Variants in MACROD2 observed in about 807,000 individuals in gnomAD.
MACROD2 encodes the protein mono-ADP ribosylhydrolase 2.
Under a neutral mutation model 70.4 loss-of-function variants are expected in MACROD2, and 36 were observed. The ratio of observed to expected loss-of-function variants is 0.51; its 90% CI spans 0.39 to 0.68. The LOEUF is 0.68. Among genes scored for constraint, MACROD2 ranks in the 30% least tolerant of loss-of-function variants. MACROD2 has a pLI of 0.00. For missense variants in MACROD2, 496 were observed against 538.4 expected (o/e 0.92, Z 0.78); for synonymous variants, 172 against 178.8 (o/e 0.96, Z 0.30).
At chr20:15,518,842 TA>T (rs1022959826) in intron 8 of MACROD2, among the ~76,000 whole-genome samples, 1 of 151,950 alleles carries the variant, frequency 6.6e-6, no homozygotes, top group Non-Finnish European at 1.5e-5. Flanking sequence ...CTACAAACAA[TA>T]AAAAAAAGTC....
intron 3 of MACROD2, among the ~76,000 whole-genome samples, chr20:14,109,441 A>G (rs2054417491): frequency 6.6e-6 from 1 of 151,910 alleles, no homozygotes. Flanking sequence ...GAAGAAAACA[A>G]TACAAAAGAT....
At chr20:14,689,394 T>A (rs1349416366) in intron 5 of MACROD2, among the ~76,000 whole-genome samples, 1 of 152,184 alleles carries the variant, frequency 6.6e-6, no homozygotes. Flanking sequence ...ATTGCTATAT[T>A]CATATAGCTT....
chr20:14,169,185 G>T (rs1601305769), intron 3 of MACROD2, among the ~76,000 whole-genome samples: 1 of 152,144 alleles, frequency 6.6e-6, no homozygotes. Context: ...AGCAAAATTG[G>T]CATAGAAGAG....
intron 2 of MACROD2, among the ~76,000 whole-genome samples, chr20:14,080,199 T>A (rs35796560): frequency 0.05 from 7,656 of 152,008 alleles, 280 homozygotes; most frequent in East Asian, 0.21. Context: ...ATCCCAGCAC[T>A]TTGGGAGGCC....
intron 5 of MACROD2, among the ~76,000 whole-genome samples, chr20:14,818,685 A>T (rs1485508096): frequency 6.6e-6 from 1 of 152,012 alleles, no homozygotes; most frequent in Non-Finnish European, 1.5e-5. Flanking sequence ...GAAGGAGTCC[A>T]TTACAAAAAC....
intron 3 of MACROD2, among the ~76,000 whole-genome samples, chr20:14,227,510 G>A (rs2081752457): frequency 6.6e-6 from 1 of 151,576 alleles, no homozygotes; most frequent in African/African-American, 2.4e-5. Context: ...AACACTCGCC[G>A]CCAAGGTCTG....
chr20:14,022,458 ATTATAC>A (rs1254398846), intron 2 of MACROD2, among the ~76,000 whole-genome samples: 5 of 136,694 alleles, frequency 3.7e-5, no homozygotes, highest in Admixed American at 3.0e-4. Flanking sequence ...TTTTTTTTTA[ATTATAC>A]TTTAAGTTCT....
chr20:15,189,228 G>A (rs78076524), intron 5 of MACROD2, among the ~76,000 whole-genome samples: 4,610 of 151,868 alleles, frequency 0.03, 224 homozygotes, highest in African/African-American at 0.1. Context: ...CATGAACAGG[G>A]CAGAAACCAG....
At chr20:15,473,604 C>T (rs940582269) in intron 7 of MACROD2, among the ~76,000 whole-genome samples, 1 of 152,170 alleles carries the variant, frequency 6.6e-6, no homozygotes, top group Non-Finnish European at 1.5e-5. Flanking sequence ...ATTTTCTGAG[C>T]TGAGTATTAA....
intron 6 of MACROD2, among the ~76,000 whole-genome samples, chr20:15,423,376 C>T (rs1189578711): frequency 6.6e-6 from 1 of 152,196 alleles, no homozygotes; most frequent in Non-Finnish European, 1.5e-5. Context: ...ATTATTATCC[C>T]ATTGGCCAAA....
At chr20:15,263,832 T>TCAC (rs2077269776) in intron 6 of MACROD2, among the ~76,000 whole-genome samples, 3 of 152,176 alleles carry the variant, frequency 2.0e-5, no homozygotes, top group Non-Finnish European at 4.4e-5. Flanking sequence ...CTTTTTTGGA[T>TCAC]TGTTCACTGT....
intron 4 of MACROD2, among the ~76,000 whole-genome samples, chr20:14,515,469 A>ACGCGCGCGCGCGCGCGCG (rs1555798354): frequency 7.6e-4 from 109 of 143,724 alleles, no homozygotes; most frequent in African/African-American, 2.7e-3. Flanking sequence ...ACACACGCAC[A>ACGCGCGCGCGCGCGCGCG]CACACACACA....
intron 5 of MACROD2, among the ~76,000 whole-genome samples, chr20:14,856,806 T>C (rs1364409564): frequency 6.6e-6 from 1 of 152,118 alleles, no homozygotes. Flanking sequence ...AGACTAGATT[T>C]GGGATGGTTG....
chr20:14,726,635 G>A (rs984528251), intron 5 of MACROD2, among the ~76,000 whole-genome samples: 4 of 152,046 alleles, frequency 2.6e-5, no homozygotes, highest in Non-Finnish European at 5.9e-5. Flanking sequence ...TAATTTTATC[G>A]TCAAAACAAC....
In MACROD2 at chr20:15,497,384, G is replaced by T. The variant is rs183526958; in HGVS notation, c.572-2390G>T. 1.9e-4 allele frequency among the ~76,000 whole-genome samples: 29 copies of T among 151,794 alleles called. No homozygotes were observed. The East Asian group carries it at 5.1e-3, about 26-fold the overall frequency. On this transcript the variant is annotated intron_variant, in intron 7 of 17. Coordinates refer to ENST00000684519, the MANE Select transcript of MACROD2 (RefSeq NM_001351661.2). The stretch of plus-strand genomic sequence containing the variant: ...CTTGGCTCACTGCAACCTCTGCCTC[G>T]CAGGTTCAAGCAATTCCCTGCCTCA...
intron 7 of MACROD2, among the ~76,000 whole-genome samples, chr20:15,439,710 A>T (rs1460388747): frequency 6.6e-6 from 1 of 152,194 alleles, no homozygotes; most frequent in Non-Finnish European, 1.5e-5. Flanking sequence ...AAGAGGCCAG[A>T]CTTTTCCACT....
At chr20:15,953,950 T>C (rs1381968414) in intron 12 of MACROD2, among the ~76,000 whole-genome samples, 1 of 152,150 alleles carries the variant, frequency 6.6e-6, no homozygotes, top group Non-Finnish European at 1.5e-5. Context: ...TTTTTTCTTG[T>C]GGCAGAAAAC....
intron 8 of MACROD2, among the ~76,000 whole-genome samples, chr20:15,788,606 C>T (rs1212724413): frequency 6.6e-6 from 1 of 151,974 alleles, no homozygotes; most frequent in Non-Finnish European, 1.5e-5. Context: ...TATTGATTTC[C>T]CCAACATAGC....
chr20:15,993,421 A>G (rs2066586025), intron 15 of MACROD2, among the ~76,000 whole-genome samples: 1 of 152,146 alleles, frequency 6.6e-6, no homozygotes, highest in Admixed American at 6.5e-5. Context: ...CCATTGTATT[A>G]TAATTATCTA....
Sources: gnomAD v4.1 joint callset for allele counts (sites outside exome capture counted in the v4.1 genomes callset) on GRCh38, gnomAD v4.1.1 for gene constraint, MANE v1.5 for transcripts, NCBI Gene and HGNC (gene_info 2026-07-23, HGNC 2026-07-21) for gene names.